PIK3R4: variants seen among roughly 807,000 people sequenced by gnomAD.
PIK3R4 encodes the protein phosphoinositide 3-kinase regulatory subunit 4.
A neutral mutation model predicts 136.5 loss-of-function variants in PIK3R4; 46 were observed. That is an observed-to-expected ratio of 0.34 (90% CI 0.27 to 0.43). The LOEUF (loss-of-function observed/expected upper bound fraction) is 0.43. Ranked by LOEUF, PIK3R4 falls within the 20% of genes least tolerant of loss-of-function variation. PIK3R4 has a pLI of 1.00. For synonymous variants in PIK3R4, 557 were observed against 566.7 expected, an observed-to-expected ratio of 0.98 and a Z score of 0.24; for missense variants, 1,331 against 1,649.5, an observed-to-expected ratio of 0.81 and a Z score of 3.35.
intron 11 of PIK3R4, 82 bp downstream of exon 11, chr3:130,706,866 C>G: frequency 9.3e-7 from 1 of 1,079,486 alleles, no homozygotes; most frequent in East Asian, 2.7e-5. Flanking sequence ...TTTTCCACTA[C>G]AGTACACAGC....
chr3:130,716,922 G>A (rs113405884), intron 8 of PIK3R4, among the ~76,000 whole-genome samples: 2 of 152,146 alleles, frequency 1.3e-5, no homozygotes, highest in African/African-American at 4.8e-5. Flanking sequence ...AAAAGTATGT[G>A]CAGTTCACAG....
Position 130,678,986 on chromosome 3 carries a change from T to G in PIK3R4, c.*329A>C. ...TTTAATAGCAAAAATGTGTTTATAC[T>G]ATAATAGCTTACAACCATCTTTTCA... On this transcript the variant is annotated 3_prime_UTR_variant, in exon 20 of 20. Transcript: ENST00000356763. 6.3e-6 allele frequency: 1 copy of G among 159,896 alleles called. No homozygotes were observed. The highest frequency in any genetic ancestry group is 1.4e-5 in the Non-Finnish European group (1 of 72,948). The allele number at this position is 159,896 out of a possible 1,614,324, so 9.9% of individuals were successfully genotyped here. A position where few individuals can be genotyped will look rare whatever the true frequency, so the allele number is the denominator to read the frequency against.
intron 2 of PIK3R4, among the ~76,000 whole-genome samples, chr3:130,740,657 G>C (rs1036243161): frequency 6.6e-6 from 1 of 152,264 alleles, no homozygotes; most frequent in Admixed American, 6.5e-5. Flanking sequence ...TGATACCCAG[G>C]AGGTGGAAGT....
intron 15 of PIK3R4, 57 bp downstream of exon 15, chr3:130,686,154 C>A: frequency 1.0e-6 from 1 of 1,003,338 alleles, no homozygotes; most frequent in South Asian, 1.3e-5. Flanking sequence ...CACAAGACAG[C>A]AATTGCAGGC....
At position 130,685,138 on chromosome 3, in the gene PIK3R4, G is replaced by A. The variant is rs563128399; in HGVS notation, c.3476-757C>T. Among the ~76,000 whole-genome samples, 10 of 152,220 alleles carry A rather than the reference G, an allele frequency of 6.6e-5. No homozygotes were observed. The South Asian group carries it at 2.1e-3, about 32-fold the overall frequency. Reference sequence around the variant, plus strand: ...GGAAAAACGCGAAACTTAAGAAAGGGGCAGATGGGAAAAGGGGAAATGTTG... The same window carrying A: ...GGAAAAACGCGAAACTTAAGAAAGGAGCAGATGGGAAAAGGGGAAATGTTG... On this transcript the variant is annotated intron_variant, in intron 15 of 19. Transcript: ENST00000356763.
chr3:130,679,704 T>A (rs763312377), intron 19 of PIK3R4, among the ~76,000 whole-genome samples: 1 of 152,164 alleles, frequency 6.6e-6, no homozygotes, highest in Non-Finnish European at 1.5e-5. Context: ...CTTATAACTA[T>A]GGAAAACTTA....
At position 130,691,867 on chromosome 3, in the gene PIK3R4, G is replaced by GTT. The variant is rs757678674; in HGVS notation, c.3099-1215_3099-1214dup. Among the ~76,000 whole-genome samples, 337 of 100,822 alleles carry GTT rather than the reference G, an allele frequency of 3.3e-3. 7 individuals carry two copies. The highest frequency in any genetic ancestry group is 5.1e-3 in the African/African-American group (125 of 24,448). The allele number at this position is 100,822 out of a possible 152,430, so 66.1% of individuals were successfully genotyped here. A position where few individuals can be genotyped will look rare whatever the true frequency, so the allele number is the denominator to read the frequency against. The stretch of plus-strand genomic sequence containing the variant: ...TATATTTTATCAGTATCTCTCTCTA[G>GTT]TTTTTTTTTTTTTTTTTTTTTTTCT... On this transcript the variant is annotated intron_variant, in intron 13 of 19. Coordinates refer to ENST00000356763, the MANE Select transcript of PIK3R4 (RefSeq NM_014602.3).
At chr3:130,696,781 T>A (rs2107604343) in intron 13 of PIK3R4, among the ~76,000 whole-genome samples, 1 of 152,288 alleles carries the variant, frequency 6.6e-6, no homozygotes, top group East Asian at 1.9e-4. Flanking sequence ...GTAGTGTTGC[T>A]CACATTTTCT....
intron 7 of PIK3R4, among the ~76,000 whole-genome samples, chr3:130,721,210 G>A (rs961219478): frequency 6.6e-6 from 1 of 151,918 alleles, no homozygotes; most frequent in Non-Finnish European, 1.5e-5. Flanking sequence ...GGTAGCGGGC[G>A]CCTGTAGTCC....
At chr3:130,716,369 T>A (rs766996451) in intron 9 of PIK3R4, 27 bp downstream of exon 9, 2 of 1,568,354 alleles carry the variant, frequency 1.3e-6, no homozygotes, top group Admixed American at 1.7e-5. Flanking sequence ...CGCATTTAAA[T>A]GTAAGACTTT....
At position 130,716,436 on chromosome 3, in the gene PIK3R4, T is replaced by A; in HGVS notation, c.2291A>T (p.Asp764Val). ...CTTCAGAAGCTGTGCTATGGCAGGA[T>A]CCTCTGGCGGAGGGCAGTCGGGAAG... ...GSLPDCPPPE[D>V]PAIAQLLKKL... The change falls in exon 9 of 20, where the codon GAT becomes GTT. Residue 764 changes from aspartate to valine, a missense_variant. By Grantham distance (152) the Asp-to-Val change is radical. Transcript: ENST00000356763. 6.2e-7 allele frequency: 1 copy of A among 1,614,232 alleles called. No homozygotes were observed. The highest frequency in any genetic ancestry group is 1.1e-5 in the South Asian group (1 of 91,084).
In PIK3R4 at chr3:130,705,673, A is replaced by G; in HGVS notation, c.2820T>C (p.Cys940=). ...PSTYQIRITT[C]KTELQQLIQQ... ...GGATGAGTTGCTGAAGTTCAGTTTT[A>G]CAAGTTGTAATTCGAATCTGATAGG... is the stretch of plus-strand genomic sequence containing the variant. Residue 940 remains cysteine (C), a synonymous_variant, in exon 12 of 20, where the codon TGT becomes TGC. Coordinates refer to ENST00000356763, the MANE Select transcript of PIK3R4 (RefSeq NM_014602.3). 1 of 1,612,712 alleles carries G rather than the reference A, an allele frequency of 6.2e-7. No homozygotes were observed. The highest frequency in any genetic ancestry group is 8.5e-7 in the Non-Finnish European group (1 of 1,178,700).
intron 9 of PIK3R4, among the ~76,000 whole-genome samples, chr3:130,712,958 T>C (rs1032983609): frequency 1.3e-5 from 2 of 152,190 alleles, no homozygotes; most frequent in Non-Finnish European, 2.9e-5. Flanking sequence ...TGGAATCAGA[T>C]AGGTTTAGAT....
At chr3:130,710,473 A>T (rs1006113281) in intron 9 of PIK3R4, among the ~76,000 whole-genome samples, 11 of 152,150 alleles carry the variant, frequency 7.2e-5, no homozygotes, top group Non-Finnish European at 1.5e-4. Flanking sequence ...CAAAAATCAC[A>T]TTGAATGGTA....
intron 16 of PIK3R4, 48 bp downstream of exon 16, chr3:130,684,202 C>A: frequency 6.4e-7 from 1 of 1,571,050 alleles, no homozygotes; most frequent in Non-Finnish European, 8.7e-7. Flanking sequence ...TTATTATGTA[C>A]TTTCCAAGAA....
At chr3:130,681,662 G>T in intron 16 of PIK3R4, 71 bp from the exon 17 acceptor site, 2 of 879,872 alleles carry the variant, frequency 2.3e-6, no homozygotes, top group Non-Finnish European at 3.7e-6. Context: ...AAAACAAATT[G>T]CAGTCCTGAG....
chr3:130,742,678 T>C (rs2066830888), intron 2 of PIK3R4, among the ~76,000 whole-genome samples: 1 of 152,246 alleles, frequency 6.6e-6, no homozygotes, highest in Non-Finnish European at 1.5e-5. Context: ...AATACATTCA[T>C]TCATCAATTA....
At chr3:130,723,618 T>C in intron 6 of PIK3R4, 31 bp from the exon 7 acceptor site, 1 of 1,586,704 alleles carries the variant, frequency 6.3e-7, no homozygotes, top group Non-Finnish European at 8.6e-7. Flanking sequence ...TATGTGATTA[T>C]TCAATACCTA....
At position 130,717,037 on chromosome 3, in the gene PIK3R4, T is replaced by C. The variant is rs149833893; in HGVS notation, c.2128-438A>G. Among the ~76,000 whole-genome samples, 17 of 152,326 alleles carry C rather than the reference T, an allele frequency of 1.1e-4. No homozygotes were observed. In the South Asian group the frequency reaches 1.7e-3, roughly 15 times the overall value. The stretch of plus-strand genomic sequence containing the variant: ...TAGATTCAACCACTTCTAAAAAACA[T>C]TGCTATCTCCATAGTGTTTATAAAA... On this transcript the variant is annotated intron_variant, in intron 8 of 19. Transcript: ENST00000356763.
Sources: gnomAD v4.1 joint callset for allele counts (sites outside exome capture counted in the v4.1 genomes callset) on GRCh38, gnomAD v4.1.1 for gene constraint, MANE v1.5 for transcripts, NCBI Gene and HGNC (gene_info 2026-07-23, HGNC 2026-07-21) for gene names.